The following IFT172 variants were observed in gnomAD, a reference collection of about 807,000 sequenced individuals.
IFT172 encodes intraflagellar transport protein 172 homolog.
A neutral mutation model predicts 248.9 loss-of-function variants in IFT172; 164 were observed. That is an observed-to-expected ratio of 0.66 (90% CI 0.58 to 0.75). The LOEUF (loss-of-function observed/expected upper bound fraction) is 0.75, where lower values mean the gene tolerates loss of function less well. IFT172 is among the 30% of genes least tolerant of loss of function. The pLI, the probability that IFT172 is intolerant of heterozygous loss-of-function variation, is 0.00. For missense variants in IFT172, 1,950 were observed against 2,192.4 expected (o/e 0.89, Z 2.21); for synonymous variants, 729 against 791.6 (o/e 0.92, Z 1.33).
intron 47 of IFT172, among the ~76,000 whole-genome samples, chr2:27,444,755 C>T (rs912560582): frequency 4.6e-5 from 7 of 152,194 alleles, no homozygotes; most frequent in East Asian, 1.9e-4. Flanking sequence ...TTAAGCGATT[C>T]TCCTGCCTCA....
chr2:27,458,252 C>G (rs1247877196), intron 26 of IFT172, 29 bp from the exon 27 acceptor site: 3 of 1,583,668 alleles, frequency 1.9e-6, no homozygotes, highest in Admixed American at 1.7e-5. Flanking sequence ...AAGGCAGCCT[C>G]AGATCCAATT....
At chr2:27,467,300 C>G (rs751784389) in intron 16 of IFT172, among the ~76,000 whole-genome samples, 1 of 151,018 alleles carries the variant, frequency 6.6e-6, no homozygotes, top group African/African-American at 2.4e-5. Context: ...AGGCCAGATG[C>G]AGTGGCTCAT....
intron 28 of IFT172, 31 bp from the exon 29 acceptor site, chr2:27,457,786 G>A (rs1666281713): frequency 6.2e-7 from 1 of 1,613,972 alleles, no homozygotes; most frequent in Non-Finnish European, 8.5e-7. Flanking sequence ...ATGGAGAGAT[G>A]GGGAGATGGA....
At position 27,445,188 on chromosome 2, in the gene IFT172, G is replaced by A. The variant is rs774447797; in HGVS notation, c.5069-83C>T. ...TGAGGAGCAGCCTGGGGGGTAGAAA[G>A]CACAGTCCTGTCTTTTGTACCCTTT... On this transcript the variant is annotated intron_variant, in intron 46 of 47. Transcript: ENST00000260570. The surrounding 1 kb of genome is among the most constrained non-coding windows in gnomAD (Gnocchi z 4.4). 1.5e-5 allele frequency: 24 copies of A among 1,593,238 alleles called. No homozygotes were observed. The highest frequency in any genetic ancestry group is 2.1e-5 in the Non-Finnish European group (24 of 1,167,518).
At chr2:27,455,062 C>T (rs370875408) in intron 30 of IFT172, 1 of 284,852 alleles carries the variant, frequency 3.5e-6, no homozygotes, top group East Asian at 9.7e-5. Flanking sequence ...AAAAAATGAG[C>T]AAGACCACCC....
chr2:27,485,489 C>A lies in IFT172; in HGVS notation c.54G>T (p.Lys18Asn). The change falls in exon 2 of 48, where the codon AAG becomes AAT. Residue 18 changes from lysine to asparagine, a missense_variant. This residue lies in a region of IFT172 where 1,166 missense variants were observed against 1,254.1 expected (regional missense o/e 0.93). Coordinates refer to ENST00000260570, the MANE Select transcript of IFT172 (RefSeq NM_015662.3). ...TLLSPQDGAA[K>N]VTCMAWSQNN... The stretch of plus-strand genomic sequence containing the variant: ...TCTGGGACCAAGCCATGCAGGTCAC[C>A]TTTGCAGCTCCATCCTGTAGAGGCA... The A allele has an allele frequency of 6.2e-7, 1 of 1,614,024 alleles. No individual in the cohort carries two copies. Among genetic ancestry groups the A allele is most frequent in the African/African-American group, 1.3e-5 (1 of 75,062 alleles).
rs746380618 is a variant in IFT172, at chr2:27,485,059, C to T, written c.255G>A (p.Gln85=). ...SPDSTKIAIG[Q]TDNIIYVYKI... ...TGTAGACATAGATGATGTTGTCAGT[C>T]TGTCCTATGGCAATTTTAGTGGAAT... The change falls in exon 3 of 48, where the codon CAG becomes CAA. Residue 85 remains glutamine (Q), a synonymous_variant. Transcript: ENST00000260570. 1.7e-5 allele frequency: 28 copies of T among 1,607,996 alleles called. No individual in the cohort carries two copies. The highest frequency in any genetic ancestry group is 2.3e-5 in the Non-Finnish European group (27 of 1,174,872).
At chr2:27,460,533 TCTA>T (rs2148504369) in intron 23 of IFT172, among the ~76,000 whole-genome samples, 1 of 27,410 alleles carries the variant, frequency 3.6e-5, no homozygotes, top group African/African-American at 1.7e-4. Context: ...GTATGCTCCA[TCTA>T]CTGAGATAGG....
intron 36 of IFT172, 92 bp downstream of exon 36, chr2:27,449,906 G>T (rs967155982): frequency 1.3e-5 from 18 of 1,390,550 alleles, no homozygotes; most frequent in Non-Finnish European, 1.7e-5. Context: ...CCCACCAGGA[G>T]GCCCACCTCA....
At chr2:27,479,950 T>C (rs1668237796) in intron 9 of IFT172, 76 bp downstream of exon 9, 2 of 1,535,150 alleles carry the variant, frequency 1.3e-6, no homozygotes, top group African/African-American at 2.8e-5. Flanking sequence ...CAGGGAACAG[T>C]GCTTTAGGAT....
Position 27,470,947 on chromosome 2 carries a change from ACTCT to A in IFT172, c.1669_1672del (p.Arg557SerfsTer11). ...ACATACCCTAATAGTGAACATGGTG[ACTCT>A]CTCAGGTGCCTCAATGTTGTACCAT... On this transcript the variant is annotated frameshift_variant, in exon 16 of 48. Transcript: ENST00000260570. LOFTEE classifies it high-confidence loss of function. The A allele has an allele frequency of 1.2e-6, 2 of 1,606,150 alleles. No individual in the cohort carries two copies. The highest frequency in any genetic ancestry group is 4.5e-5 in the East Asian group (2 of 44,700).
chr2:27,462,895 T>A, intron 19 of IFT172, 102 bp from the exon 20 acceptor site: 1 of 1,288,856 alleles, frequency 7.8e-7, no homozygotes, highest in South Asian at 1.2e-5. Flanking sequence ...ACAAAAGACT[T>A]GGGAAGGTAA....
intron 21 of IFT172, 79 bp from the exon 22 acceptor site, chr2:27,461,596 A>T: frequency 1.3e-6 from 2 of 1,548,258 alleles, no homozygotes; most frequent in Non-Finnish European, 1.8e-6. Flanking sequence ...CAATCCCTCT[A>T]TAACAAGGGG....
chr2:27,484,986 G>A (rs1319988783), intron 3 of IFT172, 32 bp downstream of exon 3: 3 of 1,238,234 alleles, frequency 2.4e-6, no homozygotes, highest in Non-Finnish European at 3.6e-6. Context: ...CTTCTTTCCT[G>A]GGCCATCCCA....
intron 30 of IFT172, chr2:27,455,377 C>G: frequency 3.6e-6 from 1 of 279,140 alleles, no homozygotes; most frequent in Non-Finnish European, 6.9e-6. Context: ...GTAGAGTGAT[C>G]AGCCCCAGAT....
At chr2:27,466,706 C>T (rs80097051) in intron 16 of IFT172, among the ~76,000 whole-genome samples, 1 of 151,982 alleles carries the variant, frequency 6.6e-6, no homozygotes, top group Non-Finnish European at 1.5e-5. Context: ...TCAAGAATTT[C>T]AGATATTAAA....
chr2:27,476,416 A>C (rs112303258), intron 14 of IFT172, among the ~76,000 whole-genome samples: 61 of 152,300 alleles, frequency 4.0e-4, no homozygotes, highest in African/African-American at 1.4e-3. Context: ...TACAAGCATG[A>C]GTAACTGTGC....
chr2:27,481,632 C>G (rs961273271), intron 7 of IFT172, among the ~76,000 whole-genome samples: 12 of 151,890 alleles, frequency 7.9e-5, no homozygotes, highest in African/African-American at 2.7e-4. Context: ...CTCCGCCTCC[C>G]CAGGTTCAAG....
At chr2:27,468,165 A>C (rs1441909566) in intron 16 of IFT172, among the ~76,000 whole-genome samples, 1 of 151,770 alleles carries the variant, frequency 6.6e-6, no homozygotes, top group Non-Finnish European at 1.5e-5. Flanking sequence ...GTCTCAAAAA[A>C]AAAAAAAAAA....
Sources: allele counts gnomAD v4.1 joint callset (sites outside exome capture counted in the v4.1 genomes callset), GRCh38; gene constraint gnomAD v4.1.1; regional missense constraint gnomAD v4.1.1; non-coding constraint Gnocchi (gnomAD v3.1); transcripts MANE v1.5; gene names NCBI Gene and HGNC (gene_info 2026-07-23, HGNC 2026-07-21).